Variants in TP63 observed in about 807,000 individuals in gnomAD.
TP63 encodes the protein tumor protein p63.
A neutral mutation model predicts 82.8 loss-of-function variants in TP63; 17 were observed. The observed-to-expected ratio is 0.21, with a 90% CI of 0.14 to 0.31. The LOEUF is 0.31. Among genes scored for constraint, TP63 ranks in the 10% least tolerant of loss-of-function variants. The pLI, the probability that TP63 is intolerant of heterozygous loss-of-function variation, is 1.00. For synonymous variants in TP63, 330 were observed against 321.7 expected (o/e 1.03, Z -0.28); for missense variants, 648 against 895.3 (o/e 0.72, Z 3.52).
At chr3:189,880,161 C>T (rs769157893) in intron 10 of TP63, 18 of 1,613,598 alleles carry the variant, frequency 1.1e-5, no homozygotes, top group East Asian at 2.2e-5. Flanking sequence ...GCCCCCAAAC[C>T]GATCAGTGTA....
intron 1 of TP63, among the ~76,000 whole-genome samples, chr3:189,682,000 A>AGGTGGGAGGATCACCG (rs1475964676): frequency 6.6e-6 from 1 of 152,174 alleles, no homozygotes; most frequent in Admixed American, 6.5e-5. Flanking sequence ...TGGGAGGCCA[A>AGGTGGGAGGATCACCG]GGTGGGAGGA....
intron 1 of TP63, among the ~76,000 whole-genome samples, chr3:189,682,341 A>G (rs112569754): frequency 0.017 from 2,428 of 144,860 alleles, 70 homozygotes; most frequent in African/African-American, 0.06. Flanking sequence ...TTTCTGTTGA[A>G]TAAATCAGCA....
chr3:189,867,539 A>G (rs1046624692), intron 6 of TP63, among the ~76,000 whole-genome samples: 3 of 152,222 alleles, frequency 2.0e-5, no homozygotes, highest in African/African-American at 4.8e-5. Flanking sequence ...TGAAGGTGGT[A>G]TAGCCTATTT....
chr3:189,782,544 AT>A (rs1178253605), intron 3 of TP63, among the ~76,000 whole-genome samples: 11 of 152,236 alleles, frequency 7.2e-5, no homozygotes, highest in African/African-American at 2.7e-4. Context: ...ATCTTCAGAA[AT>A]ACATATATTG....
intron 1 of TP63, among the ~76,000 whole-genome samples, chr3:189,689,730 A>G (rs1173749817): frequency 6.6e-6 from 1 of 152,166 alleles, no homozygotes; most frequent in Non-Finnish European, 1.5e-5. Flanking sequence ...GTTATGATGT[A>G]TATTTTTAAT....
intron 4 of TP63, among the ~76,000 whole-genome samples, chr3:189,810,924 C>T (rs772453762): frequency 2.6e-5 from 4 of 151,420 alleles, no homozygotes; most frequent in Non-Finnish European, 5.9e-5. Context: ...CACTCAAAGC[C>T]CCTCTCTCAG....
At chr3:189,818,639 A>T (rs1728455024) in intron 4 of TP63, among the ~76,000 whole-genome samples, 2 of 152,166 alleles carry the variant, frequency 1.3e-5, no homozygotes, top group Non-Finnish European at 2.9e-5. Context: ...ATGCTTAAAA[A>T]AATTCTATAG....
chr3:189,619,469 A>G, the TP63 span, among the ~76,000 whole-genome samples: 2 of 152,170 alleles, frequency 1.3e-5, no homozygotes, highest in Non-Finnish European at 2.9e-5. Context: ...AAATGTCTCT[A>G]GAGCTCTCTG....
rs1712605363 is a variant in TP63, at chr3:189,648,445, C to A, written c.62+16868C>A. On this transcript the variant is annotated intron_variant, in intron 1 of 13. Coordinates refer to ENST00000264731, the MANE Select transcript of TP63 (RefSeq NM_003722.5). ...CCCAAGCACCTAGGCCACAGGCTGG[C>A]ACACAGAGGTGCTCAGTCAATAACT... Among the ~76,000 whole-genome samples, 2 of 147,238 alleles carry A rather than the reference C, an allele frequency of 1.4e-5. 1 individual carries two copies. The highest frequency in any genetic ancestry group is 5.1e-5 in the African/African-American group (2 of 39,294).
At chr3:189,880,825 G>A (rs776262885) in intron 10 of TP63, 6 of 985,336 alleles carry the variant, frequency 6.1e-6, no homozygotes, top group Non-Finnish European at 7.2e-6. Context: ...CTCCCCTCAT[G>A]TGTAGGTAGA....
rs919124013 is a variant in TP63 at position 189,750,873 on chromosome 3, G to T, written c.324+12099G>T. 3.3e-5 allele frequency among the ~76,000 whole-genome samples: 5 copies of T among 151,970 alleles called. No homozygotes were observed. In the East Asian group the frequency reaches 5.8e-4, roughly 18 times the overall value. On this transcript the variant is annotated intron_variant, in intron 3 of 13. Transcript: ENST00000264731. ...TAAGGTACGTGTGCACCACGTGTAG[G>T]TTTGTTACATAGGTATACATGTGCC...
In TP63 at chr3:189,890,809, G is replaced by A; in HGVS notation, c.1673G>A (p.Cys558Tyr). 1.2e-6 allele frequency: 2 copies of A among 1,614,060 alleles called. No individual in the cohort carries two copies. The highest frequency in any genetic ancestry group is 1.7e-6 in the Non-Finnish European group (2 of 1,179,984). Residue 558 changes from cysteine (C) to tyrosine (Y), a missense_variant, in exon 13 of 14, where the codon TGT becomes TAT. Cys to Tyr is a radical substitution (Grantham distance 194, BLOSUM62 -2). Around this residue, in one of 5 missense-constraint regions of TP63, gnomAD observed 342 missense variants for 425.7 expected, o/e 0.80. Coordinates refer to ENST00000264731, the MANE Select transcript of TP63 (RefSeq NM_003722.5). The part of the protein sequence containing the change: ...SIVSFLARLG[C>Y]SSCLDYFTTQ... Reference sequence around the variant, plus strand: ...TGCAGTTTCTTAGCGAGGTTGGGCTGTTCATCATGTCTGGACTATTTCACG... The same window carrying A: ...TGCAGTTTCTTAGCGAGGTTGGGCTATTCATCATGTCTGGACTATTTCACG...
intron 3 of TP63, among the ~76,000 whole-genome samples, chr3:189,784,055 A>G (rs568721829): frequency 2.8e-4 from 42 of 151,972 alleles, no homozygotes; most frequent in South Asian, 6.2e-4. Context: ...AGAAACTTTT[A>G]ATGTAATTCT....
At chr3:189,659,989 C>G (rs1417601746) in intron 1 of TP63, among the ~76,000 whole-genome samples, 2 of 151,848 alleles carry the variant, frequency 1.3e-5, no homozygotes, top group African/African-American at 4.8e-5. Flanking sequence ...ATATTTTCTC[C>G]CATTATGTAG....
At position 189,894,803 on chromosome 3, in the gene TP63, A is replaced by G. The variant is rs1037634860; in HGVS notation, c.*301A>G. 1 of 425,512 alleles carries G rather than the reference A, an allele frequency of 2.4e-6. No homozygotes were observed. The highest frequency in any genetic ancestry group is 4.3e-6 in the Non-Finnish European group (1 of 231,436). 26.4% of individuals were successfully genotyped at this position (425,512 alleles called of 1,614,324 possible). A position where few individuals can be genotyped will look rare whatever the true frequency, so the allele number is the denominator to read the frequency against. The stretch of plus-strand genomic sequence containing the variant: ...CAGAGATTTCTCATTGACTTTTATA[A>G]AGCATGTTCACCCTTATAGTCTAAG... On this transcript the variant is annotated 3_prime_UTR_variant, in exon 14 of 14. Coordinates refer to ENST00000264731, the MANE Select transcript of TP63 (RefSeq NM_003722.5).
intron 3 of TP63, among the ~76,000 whole-genome samples, chr3:189,750,272 C>G (rs556240842): frequency 6.6e-6 from 1 of 152,064 alleles, no homozygotes; most frequent in South Asian, 2.1e-4. Flanking sequence ...AAATTTATCT[C>G]ATGGAAGTAG....
chr3:189,835,763 A>G (rs949218798), intron 4 of TP63, among the ~76,000 whole-genome samples: 7 of 151,824 alleles, frequency 4.6e-5, no homozygotes, highest in Non-Finnish European at 1.0e-4. Context: ...AAATACAAAA[A>G]ATTAACTGGC....
At chr3:189,619,451 A>G in the TP63 span, among the ~76,000 whole-genome samples, 2 of 152,194 alleles carry the variant, frequency 1.3e-5, no homozygotes, top group Non-Finnish European at 1.5e-5. Flanking sequence ...AGCCTTAGCT[A>G]AACATTCAAA....
chr3:189,838,305 T>C (rs1713441375), intron 4 of TP63, among the ~76,000 whole-genome samples: 1 of 152,190 alleles, frequency 6.6e-6, no homozygotes, highest in African/African-American at 2.4e-5. Flanking sequence ...CTTCTCATAA[T>C]AGGTTTGTTT....
Sources: allele counts gnomAD v4.1 joint callset (sites outside exome capture counted in the v4.1 genomes callset), GRCh38; gene constraint gnomAD v4.1.1; regional missense constraint gnomAD v4.1.1; transcripts MANE v1.5; gene names NCBI Gene and HGNC (gene_info 2026-07-23, HGNC 2026-07-21).